CYREN: variants seen among roughly 807,000 people sequenced by gnomAD.
The protein encoded by CYREN is cell cycle regulator of NHEJ, also known as cell cycle regulator of non-homologous end joining.
CYREN carries 7 observed loss-of-function variants against 9.7 expected under a neutral mutation model. The observed-to-expected ratio is 0.72, with a 90% CI of 0.41 to 1.36. The LOEUF (loss-of-function observed/expected upper bound fraction) is 1.36, where lower values mean the gene tolerates loss of function less well. Among genes scored for constraint, CYREN ranks in the 40% most tolerant of loss-of-function variants. The pLI, the probability that CYREN is intolerant of heterozygous loss-of-function variation, is 0.01. For missense variants in CYREN, 215 were observed against 198.1 expected (o/e 1.09, Z -0.51); for synonymous variants, 76 against 77.9 (o/e 0.98, Z 0.13).
chr7:135,107,986 T>TA (rs1427920566), intron 2 of CYREN, among the ~76,000 whole-genome samples: 1 of 152,106 alleles, frequency 6.6e-6, no homozygotes, highest in Admixed American at 6.5e-5. Flanking sequence ...CTTTTTTTTT[T>TA]ATCTTTGTTG....
At chr7:135,169,981 A>G (rs1585381275) in intron 1 of CYREN, among the ~76,000 whole-genome samples, 1 of 152,218 alleles carries the variant, frequency 6.6e-6, no homozygotes, top group Non-Finnish European at 1.5e-5. Flanking sequence ...GTCAAAACTC[A>G]GTGATATTAG....
At chr7:135,135,777 G>A (rs757332343) in intron 2 of CYREN, 1 of 152,134 alleles carries the variant, frequency 6.6e-6, no homozygotes, top group Non-Finnish European at 1.5e-5. Flanking sequence ...TACAGAATAA[G>A]ATAAAGTGTT....
At chr7:135,167,875 G>A in intron 2 of CYREN, 68 bp from the exon 3 acceptor site, 2 of 1,608,012 alleles carry the variant, frequency 1.2e-6, no homozygotes, top group South Asian at 1.1e-5. Flanking sequence ...AAGAGAACAG[G>A]AGAAGCAGGG....
chr7:135,110,616 G>T (rs1563276505), intron 2 of CYREN, among the ~76,000 whole-genome samples: 1 of 152,140 alleles, frequency 6.6e-6, no homozygotes, highest in Non-Finnish European at 1.5e-5. Context: ...TGTCGCTCCT[G>T]GGTGGGCAGC....
chr7:135,145,316 G>A (rs1385755699), intron 2 of CYREN, among the ~76,000 whole-genome samples: 1 of 152,190 alleles, frequency 6.6e-6, no homozygotes, highest in African/African-American at 2.4e-5. Context: ...TCTCTTCAGT[G>A]TACCCATTTC....
downstream of CYREN, chr7:135,164,859 A>T: frequency 6.2e-7 from 1 of 1,613,852 alleles, no homozygotes; most frequent in Non-Finnish European, 8.5e-7. Context: ...CTATGTGTGG[A>T]AGTGGGTCAG....
At chr7:135,167,891 TC>T in intron 2 of CYREN, 84 bp from the exon 3 acceptor site, 3 of 1,594,224 alleles carry the variant, frequency 1.9e-6, no homozygotes, top group Non-Finnish European at 2.6e-6. Context: ...CAGGGCCTCT[TC>T]CCCCTGCCTT....
chr7:135,121,654 A>G (rs1827148520), intron 2 of CYREN, among the ~76,000 whole-genome samples: 2 of 152,178 alleles, frequency 1.3e-5, no homozygotes, highest in African/African-American at 4.8e-5. Flanking sequence ...ATGGCTGACT[A>G]GAAACAGCGG....
Position 135,151,829 on chromosome 7 carries a change from G to A in CYREN, n.356+16920C>T, listed in dbSNP as rs1053596717. 6.6e-5 allele frequency among the ~76,000 whole-genome samples: 10 copies of A among 152,250 alleles called. No individual in the cohort carries two copies. The highest frequency in any genetic ancestry group is 3.4e-3 in the Middle Eastern group (1 of 294). On this transcript the variant is annotated intron_variant and non_coding_transcript_variant, in intron 2 of 2. Coordinates refer to the CYREN transcript ENST00000459937. This position sits in a 1 kb window ranked among gnomAD's most constrained non-coding sequence, Gnocchi z 4.3. The stretch of plus-strand genomic sequence containing the variant: ...CGACGACATGCTCCCAGGTCATCTG[G>A]CTCTAAAACCCATGCTCCTTACCAC...
At chr7:135,101,597 C>A (rs1962522) in intron 2 of CYREN, among the ~76,000 whole-genome samples, 73,678 of 151,950 alleles carry the variant, frequency 0.48, 18,228 homozygotes, top group South Asian at 0.65. Flanking sequence ...ACATTCTGGT[C>A]ACTTCTGCTT....
intron 1 of CYREN, chr7:135,169,367 C>T (rs1384826694): frequency 6.5e-6 from 1 of 153,612 alleles, no homozygotes; most frequent in African/African-American, 2.4e-5. Flanking sequence ...CTTCTCATTA[C>T]CACCCCAAAT....
downstream of CYREN, among the ~76,000 whole-genome samples, chr7:135,161,025 G>A (rs906850284): frequency 2.0e-5 from 3 of 152,166 alleles, no homozygotes; most frequent in Non-Finnish European, 4.4e-5. This position sits in a 1 kb window ranked among gnomAD's most constrained non-coding sequence, Gnocchi z 4.1. Context: ...AAGGCAAGAG[G>A]GGAAGCTGGG....
downstream of CYREN, among the ~76,000 whole-genome samples, chr7:135,162,718 G>T (rs2117468487): frequency 6.6e-6 from 1 of 152,298 alleles, no homozygotes; most frequent in Admixed American, 6.5e-5. Flanking sequence ...GGGGATTATG[G>T]GAGCTATAAT....
intron 2 of CYREN, among the ~76,000 whole-genome samples, chr7:135,159,021 G>A (rs549701168): frequency 2.0e-5 from 3 of 152,334 alleles, no homozygotes; most frequent in South Asian, 2.1e-4. Flanking sequence ...GTTTCCTTCC[G>A]TGGCCAAGAT....
At chr7:135,159,295 C>T (rs557961041) in intron 2 of CYREN, among the ~76,000 whole-genome samples, 44 of 152,248 alleles carry the variant, frequency 2.9e-4, no homozygotes, top group Non-Finnish European at 5.3e-4. Flanking sequence ...TTGATCCTTT[C>T]GAAAATTTAC....
intron 2 of CYREN, chr7:135,129,360 C>G (rs10266706): frequency 0.51 from 479,597 of 947,146 alleles, 125,548 homozygotes; most frequent in South Asian, 0.66. Context: ...AAATGAATAC[C>G]TGCAAGCAGA....
At chr7:135,167,150 T>A in intron 3 of CYREN, 1 of 985,238 alleles carries the variant, frequency 1.0e-6, no homozygotes, top group Non-Finnish European at 1.2e-6. Context: ...GGAAGAAACA[T>A]GTCTAGAAAG....
At chr7:135,116,519 T>A (rs985734411) in intron 2 of CYREN, among the ~76,000 whole-genome samples, 1 of 152,134 alleles carries the variant, frequency 6.6e-6, no homozygotes, top group Non-Finnish European at 1.5e-5. Flanking sequence ...ACCAGCCCAA[T>A]GGGGAGAGAA....
intron 2 of CYREN, among the ~76,000 whole-genome samples, chr7:135,111,696 A>C (rs1585182174): frequency 6.6e-6 from 1 of 152,190 alleles, no homozygotes; most frequent in East Asian, 1.9e-4. Context: ...GCCATTCATG[A>C]AACGTGTTGA....
Sources: allele counts gnomAD v4.1 joint callset (sites outside exome capture counted in the v4.1 genomes callset), GRCh38; gene constraint gnomAD v4.1.1; non-coding constraint Gnocchi (gnomAD v3.1); transcripts MANE v1.5; gene names NCBI Gene and HGNC (gene_info 2026-07-23, HGNC 2026-07-21).